The following PAFAH1B1 variants were observed in gnomAD, a reference collection of about 807,000 sequenced individuals.
The protein encoded by PAFAH1B1 is platelet activating factor acetylhydrolase 1b regulatory subunit 1, also known as platelet-activating factor acetylhydrolase IB subunit beta.
PAFAH1B1 carries 2 observed loss-of-function variants against 57.5 expected under a neutral mutation model. The ratio of observed to expected loss-of-function variants is 0.03; its 90% CI spans 0.01 to 0.11. The LOEUF is 0.11. Ranked by LOEUF, PAFAH1B1 falls within the 10% of genes least tolerant of loss-of-function variation. PAFAH1B1 has a pLI of 1.00. For missense variants in PAFAH1B1, 257 were observed against 512.0 expected (o/e 0.50, Z 4.81); for synonymous variants, 152 against 169.6 (o/e 0.90, Z 0.81).
intron 1 of PAFAH1B1, among the ~76,000 whole-genome samples, chr17:2,612,825 G>C (rs1437714047): frequency 6.6e-6 from 1 of 151,592 alleles, no homozygotes; most frequent in African/African-American, 2.4e-5. Context: ...GCCCAGGCTG[G>C]TCTCAGACTC....
chr17:2,597,015 C>T (rs377370020), intron 1 of PAFAH1B1, among the ~76,000 whole-genome samples: 9 of 152,154 alleles, frequency 5.9e-5, no homozygotes, highest in East Asian at 1.9e-4. Context: ...GAGCCGAGAT[C>T]GTGCCACTGT....
intron 1 of PAFAH1B1, among the ~76,000 whole-genome samples, chr17:2,608,277 G>T (rs1401561036): frequency 6.6e-6 from 1 of 151,902 alleles, no homozygotes; most frequent in Non-Finnish European, 1.5e-5. Context: ...TAGAGATGGG[G>T]GTTGCACTAT....
intron 2 of PAFAH1B1, among the ~76,000 whole-genome samples, chr17:2,654,935 C>T (rs887870508): frequency 2.0e-5 from 3 of 150,594 alleles, no homozygotes; most frequent in African/African-American, 4.9e-5. Flanking sequence ...AGCCACCCTG[C>T]GTGGCTTTTT....
intron 1 of PAFAH1B1, among the ~76,000 whole-genome samples, chr17:2,603,587 C>T (rs1375202301): frequency 6.6e-6 from 1 of 151,872 alleles, no homozygotes; most frequent in South Asian, 2.1e-4. Context: ...CACCACTGTA[C>T]TCCAGCCTGG....
chr17:2,609,376 T>C (rs1373649562), intron 1 of PAFAH1B1, among the ~76,000 whole-genome samples: 1 of 152,116 alleles, frequency 6.6e-6, no homozygotes, highest in Non-Finnish European at 1.5e-5. Context: ...TCCTTGTTGG[T>C]GTTTATTATC....
At chr17:2,669,929 A>G (rs189993201) in intron 5 of PAFAH1B1, among the ~76,000 whole-genome samples, 21 of 152,344 alleles carry the variant, frequency 1.4e-4, no homozygotes, top group Admixed American at 1.4e-3. Flanking sequence ...GTTATGTGAT[A>G]GAAACCTTAT....
Position 2,670,331 on chromosome 17 carries a change from G to A in PAFAH1B1, c.568G>A (p.Gly190Ser). 2 of 1,612,034 alleles carry A rather than the reference G, an allele frequency of 1.2e-6. No individual in the cohort carries two copies. Among genetic ancestry groups the A allele is most frequent in the South Asian group, 1.1e-5 (1 of 91,022 alleles). ...CTTTGAATGCATCAGAACCATGCAC[G>A]GTAAGGGGTAGAGGATAGTGCTTTA... ...QGFECIRTMH[G>S]HDHNVSSVAI... Residue 190 changes from glycine to serine, a missense_variant and splice_region_variant, in exon 6 of 11, where the codon GGC becomes AGC. Transcript: ENST00000397195.
chr17:2,666,108 CTTTAAAA>C lies in PAFAH1B1; in HGVS notation c.192+21_192+27del. ...AAAAGAAGGTAACTAAGTCTTTTTT[CTTTAAAA>C]TTAGTTGTATTCAGTTATATAAACT... On this transcript the variant is annotated intron_variant, in intron 4 of 10. Coordinates refer to ENST00000397195, the MANE Select transcript of PAFAH1B1 (RefSeq NM_000430.4). 6.8e-7 allele frequency: 1 copy of C among 1,462,322 alleles called. No individual in the cohort carries two copies. Among genetic ancestry groups the C allele is most frequent in the Non-Finnish European group, 9.3e-7 (1 of 1,069,520 alleles). 90.6% of individuals were successfully genotyped at this position (1,462,322 alleles called of 1,614,324 possible).
intron 1 of PAFAH1B1, among the ~76,000 whole-genome samples, chr17:2,607,519 CTA>C (rs2068219409): frequency 6.6e-6 from 1 of 151,170 alleles, no homozygotes; most frequent in South Asian, 2.1e-4. Context: ...GAGTCCCGCT[CTA>C]TCACCCAGGC....
intron 5 of PAFAH1B1, among the ~76,000 whole-genome samples, chr17:2,668,481 G>T (rs1050135507): frequency 1.2e-4 from 18 of 151,690 alleles, no homozygotes; most frequent in African/African-American, 4.4e-4. Flanking sequence ...GAGCTCAGGA[G>T]TTAGAGAGCA....
chr17:2,612,990 A>T (rs1448759804), intron 1 of PAFAH1B1, among the ~76,000 whole-genome samples: 3 of 151,986 alleles, frequency 2.0e-5, no homozygotes, highest in Non-Finnish European at 4.4e-5. Context: ...AATCAAAATA[A>T]AATGTTTTGT....
At position 2,676,889 on chromosome 17, in the gene PAFAH1B1, G is replaced by A. The variant is rs558451828; in HGVS notation, c.1002+283G>A. On this transcript the variant is annotated intron_variant, in intron 9 of 10. Transcript: ENST00000397195. ...AAATTGTGTAATATCTCGGCCGGGCGCGGTGGCTTACGCCTGTAATCCCAG... is the reference window on the plus strand; with the variant it reads ...AAATTGTGTAATATCTCGGCCGGGCACGGTGGCTTACGCCTGTAATCCCAG... 1.8e-3 allele frequency among the ~76,000 whole-genome samples: 276 copies of A among 152,100 alleles called. 1 individual carries two copies. Among genetic ancestry groups the A allele is most frequent in the African/African-American group, 6.1e-3 (255 of 41,476 alleles).
chr17:2,678,305 G>T (rs1010503048), intron 9 of PAFAH1B1, among the ~76,000 whole-genome samples: 1 of 151,740 alleles, frequency 6.6e-6, no homozygotes, highest in South Asian at 2.1e-4. Context: ...GGAAGGCTGA[G>T]GCAGGCAAAT....
rs185595790 is a variant in PAFAH1B1, at chr17:2,676,421, T to C, written c.901-84T>C. ...AAATGCAACAAAAAAATTGGAAATA[T>C]ATATCATTATTAGATAGAAGCCATT... On this transcript the variant is annotated intron_variant, in intron 8 of 10. Transcript: ENST00000397195. The C allele has an allele frequency of 2.0e-5, 17 of 865,094 alleles. No individual in the cohort carries two copies. The East Asian group carries it at 3.5e-4, about 18-fold the overall frequency. 53.6% of individuals were successfully genotyped at this position (865,094 alleles called of 1,614,324 possible).
In PAFAH1B1 at chr17:2,680,167, G is replaced by A; in HGVS notation, c.1006G>A (p.Gly336Ser). 1 of 1,613,846 alleles carries A rather than the reference G, an allele frequency of 6.2e-7. No homozygotes were observed. Among genetic ancestry groups the A allele is most frequent in the Non-Finnish European group, 8.5e-7 (1 of 1,179,954 alleles). The change falls in exon 10 of 11, where the codon GGT becomes AGT. Residue 336 changes from glycine to serine, a missense_variant. Transcript: ENST00000397195. ...STGMCLMTLV[G>S]HDNWVRGVLF... is the part of the protein sequence containing the mutation. ...AAATAACTTTTTTGTTTTTAAGGTG[G>A]GTCATGATAACTGGGTACGTGGAGT... is the stretch of plus-strand genomic sequence containing the variant.
In PAFAH1B1 at chr17:2,593,935, T is replaced by TCCCCCTCCCC; in HGVS notation, c.-260_-251dup. ...CCCTCCTTCCTCCCTCCCCTCTCCC[T>TCCCCCTCCCC]CCCCCTCCCCCGCCGGTGGATGGGA... On this transcript the variant is annotated 5_prime_UTR_variant, in exon 1 of 11. Transcript: ENST00000397195. 1 of 102,236 alleles carries TCCCCCTCCCC rather than the reference T, an allele frequency of 9.8e-6. No homozygotes were observed. Among genetic ancestry groups the TCCCCCTCCCC allele is most frequent in the East Asian group, 2.8e-4 (1 of 3,592 alleles). The allele number at this position is 102,236 out of a possible 1,614,324, so 6.3% of individuals were successfully genotyped here.
In PAFAH1B1 at chr17:2,685,090, G is replaced by C. The variant is rs1335943524; in HGVS notation, c.*3288G>C. The C allele has an allele frequency of 6.7e-6, 1 of 149,354 alleles. No homozygotes were observed. Among genetic ancestry groups the C allele is most frequent in the Non-Finnish European group, 1.5e-5 (1 of 67,780 alleles). 9.3% of individuals were successfully genotyped at this position (149,354 alleles called of 1,614,324 possible). On this transcript the variant is annotated 3_prime_UTR_variant, in exon 11 of 11. Transcript: ENST00000397195. ...TATATAAGTCCAGTGTGTTCATCTA[G>C]ATGACGCAAAGAATCTCCTGGTAGA...
At chr17:2,636,306 C>T (rs1051857984) in intron 1 of PAFAH1B1, among the ~76,000 whole-genome samples, 1 of 152,118 alleles carries the variant, frequency 6.6e-6, no homozygotes, top group Non-Finnish European at 1.5e-5. Flanking sequence ...AGCTGGGCTC[C>T]AGGTCAGAAG....
At chr17:2,643,132 G>A (rs1242493836) in intron 2 of PAFAH1B1, among the ~76,000 whole-genome samples, 1 of 152,052 alleles carries the variant, frequency 6.6e-6, no homozygotes, top group Admixed American at 6.6e-5. Context: ...CTGTCTTCCA[G>A]TCTGGACTGG....
Sources: gnomAD v4.1 joint callset for allele counts (sites outside exome capture counted in the v4.1 genomes callset) on GRCh38, gnomAD v4.1.1 for gene constraint, MANE v1.5 for transcripts, NCBI Gene and HGNC (gene_info 2026-07-23, HGNC 2026-07-21) for gene names.